Variants in SH2B2 observed in about 807,000 individuals in gnomAD.
The protein encoded by SH2B2 is SH2B adaptor protein 2, also known as SH2B adapter protein 2.
A neutral mutation model predicts 35.7 loss-of-function variants in SH2B2; 37 were observed. That is an observed-to-expected ratio of 1.04 (90% CI 0.80 to 1.36). SH2B2 has a LOEUF of 1.36. Ranked by LOEUF, SH2B2 falls within the 40% of genes most tolerant of loss-of-function variation. The probability of loss-of-function intolerance (pLI) is 0.00; values close to 1 mark genes in which losing one functional copy is unlikely to be tolerated. For synonymous variants in SH2B2, 383 were observed against 376.4 expected (o/e 1.02, Z -0.20); for missense variants, 852 against 817.7 (o/e 1.04, Z -0.51).
intron 1 of SH2B2, among the ~76,000 whole-genome samples, chr7:102,296,469 AC>A (rs1461607754): frequency 1.3e-5 from 2 of 152,206 alleles, no homozygotes; most frequent in African/African-American, 4.8e-5. Flanking sequence ...CCCAGGCACT[AC>A]ATCACCGCAC....
At chr7:102,315,759 A>G (rs558397711) in intron 6 of SH2B2, among the ~76,000 whole-genome samples, 38 of 144,582 alleles carry the variant, frequency 2.6e-4, no homozygotes, top group African/African-American at 9.7e-4. Flanking sequence ...AAAAAAAAAA[A>G]AAAGAAAAGA....
chr7:102,315,778 A>C (rs1793807404), intron 6 of SH2B2, among the ~76,000 whole-genome samples: 2 of 139,452 alleles, frequency 1.4e-5, no homozygotes, highest in African/African-American at 5.2e-5. Context: ...GAAAAGAAGA[A>C]AGGAGGGAGG....
intron 4 of SH2B2, among the ~76,000 whole-genome samples, chr7:102,311,342 C>T (rs1043978732): frequency 2.6e-5 from 4 of 151,922 alleles, no homozygotes; most frequent in Admixed American, 2.6e-4. Context: ...GCAACCTCCA[C>T]CTCGCAGGTT....
At chr7:102,301,432 T>G (rs1554553879) in intron 2 of SH2B2, among the ~76,000 whole-genome samples, 153 bp downstream of exon 2, 1 of 152,150 alleles carries the variant, frequency 6.6e-6, no homozygotes, top group East Asian at 1.9e-4. Context: ...GAGGTGGGCC[T>G]GTCATGCCTC....
chr7:102,293,466 T>A (rs1381902447), intron 1 of SH2B2, among the ~76,000 whole-genome samples: 2 of 146,030 alleles, frequency 1.4e-5, no homozygotes, highest in Non-Finnish European at 3.0e-5. Context: ...CCATCAGAGA[T>A]GGGGAAAAAA....
At chr7:102,302,297 C>T (rs1554554100) in intron 2 of SH2B2, among the ~76,000 whole-genome samples, 1 of 152,368 alleles carries the variant, frequency 6.6e-6, no homozygotes, top group African/African-American at 2.4e-5. Flanking sequence ...TCGCAGAGGG[C>T]TCCCTGGGAG....
chr7:102,317,462 C>A (rs1554557317), intron 7 of SH2B2, 67 bp downstream of exon 7: 3 of 1,389,338 alleles, frequency 2.2e-6, no homozygotes, highest in East Asian at 4.9e-5. Flanking sequence ...CATGGTGACC[C>A]CGGTCCTGAG....
At chr7:102,321,186 G>C (rs1036016690) in intron 8 of SH2B2, 113 bp from the exon 9 acceptor site, 2 of 934,708 alleles carry the variant, frequency 2.1e-6, no homozygotes, top group South Asian at 6.3e-5. Flanking sequence ...GAGGACATGG[G>C]CTGCAACTCG....
upstream of SH2B2, chr7:102,285,273 G>C (rs1207717777): frequency 2.1e-5 from 32 of 1,536,218 alleles, no homozygotes; most frequent in Non-Finnish European, 2.7e-5. Flanking sequence ...GTCCACCGCG[G>C]GTCAGGCTCT....
chr7:102,308,225 T>C (rs1793475698), intron 3 of SH2B2, among the ~76,000 whole-genome samples: 1 of 152,184 alleles, frequency 6.6e-6, no homozygotes, highest in Non-Finnish European at 1.5e-5. Flanking sequence ...TCTTCTCATC[T>C]ATAAAATGGG....
In SH2B2 at chr7:102,297,793, G is replaced by C. The variant is rs1792982664; in HGVS notation, c.-29-2729G>C. ...CTGCCTTGTGAAACTGGCATTCTCG[G>C]GGGAAGGGGGTGGAGGGGACACACA... On this transcript the variant is annotated intron_variant, in intron 1 of 8. Coordinates refer to ENST00000444095, the MANE Select transcript of SH2B2 (RefSeq NM_001359228.2). This position sits in a 1 kb window ranked among gnomAD's most constrained non-coding sequence, Gnocchi z 4.3. Among the ~76,000 whole-genome samples the C allele has an allele frequency of 6.6e-6, 1 of 152,116 alleles. No homozygotes were observed. The highest frequency in any genetic ancestry group is 2.4e-5 in the African/African-American group (1 of 41,412).
intron 4 of SH2B2, chr7:102,309,237 G>T: frequency 2.0e-6 from 1 of 498,702 alleles, no homozygotes. Context: ...TGGGGGCCTG[G>T]TGCAGTGGCT....
At position 102,297,394 on chromosome 7, in the gene SH2B2, TACACACACAC is replaced by T. The variant is rs3988122; in HGVS notation, c.-29-3101_-29-3092del. Among the ~76,000 whole-genome samples, 7 of 144,550 alleles carry T rather than the reference TACACACACAC, an allele frequency of 4.8e-5. No individual in the cohort carries two copies. The highest frequency in any genetic ancestry group is 2.1e-4 in the Admixed American group (3 of 14,414). The allele number at this position is 144,550 out of a possible 152,430, so 94.8% of individuals were successfully genotyped here. A position where few individuals can be genotyped will look rare whatever the true frequency, so the allele number is the denominator to read the frequency against. On this transcript the variant is annotated intron_variant, in intron 1 of 8. Transcript: ENST00000444095. This position sits in a 1 kb window ranked among gnomAD's most constrained non-coding sequence, Gnocchi z 4.3. ...CATCAATAGAGTGAGATCCCATCTCTACACACACACACACACACACACACACACACACACA... is the reference window on the plus strand; with the variant it reads ...CATCAATAGAGTGAGATCCCATCTCTACACACACACACACACACACACACA...
chr7:102,320,902 C>T (rs1554558305), intron 8 of SH2B2, among the ~76,000 whole-genome samples: 1 of 152,138 alleles, frequency 6.6e-6, no homozygotes, highest in Non-Finnish European at 1.5e-5. Flanking sequence ...GGTGCATGTG[C>T]ATGCGTGTGC....
At position 102,321,311 on chromosome 7, in the gene SH2B2, C is replaced by T; in HGVS notation, c.1580C>T (p.Thr527Met). The change falls in exon 9 of 9, where the codon ACG (threonine) becomes ATG (methionine). Residue 527 changes from threonine (T) to methionine (M), a missense_variant. Thr to Met is a moderately conservative substitution (Grantham distance 81, BLOSUM62 -1). This residue lies in a region of SH2B2 where 556 missense variants were observed against 514.5 expected (regional missense o/e 1.08). Transcript: ENST00000444095. ...CGCCTTGTTGCAGAGCCGGGCCCCACGCCCCCTGCCGCGCCCGCGTCCCCG... is the reference window on the plus strand; with the variant it reads ...CGCCTTGTTGCAGAGCCGGGCCCCATGCCCCCTGCCGCGCCCGCGTCCCCG... ...AQDPPPEPGP[T>M]PPAAPASPAC... is the part of the protein sequence containing the mutation. 2 of 1,414,974 alleles carry T rather than the reference C, an allele frequency of 1.4e-6. No individual in the cohort carries two copies. Among genetic ancestry groups the T allele is most frequent in the Non-Finnish European group, 9.2e-7 (1 of 1,089,838 alleles). 87.7% of individuals were successfully genotyped at this position (1,414,974 alleles called of 1,614,324 possible). A position where few individuals can be genotyped will look rare whatever the true frequency, so the allele number is the denominator to read the frequency against.
At chr7:102,316,871 T>G (rs558755031) in intron 6 of SH2B2, among the ~76,000 whole-genome samples, 1 of 151,336 alleles carries the variant, frequency 6.6e-6, no homozygotes, top group South Asian at 2.1e-4. Flanking sequence ...ATACAAAAAT[T>G]AGTTGGGTGT....
In SH2B2 at chr7:102,301,240, C is replaced by T. The variant is rs782796671; in HGVS notation, c.690C>T (p.Ala230=). The change falls in exon 2 of 9, where the codon GCC becomes GCT. Residue 230 remains alanine (A), a synonymous_variant. Coordinates refer to ENST00000444095, the MANE Select transcript of SH2B2 (RefSeq NM_001359228.2). ...KCRLLLRRAV[A]EERFRLEFFV... ...GCCTGCTCCTGCGCAGGGCTGTGGC[C>T]GAGGAACGCTTCCGCCTGGAGTTCT... is the stretch of plus-strand genomic sequence containing the variant. 1.9e-5 allele frequency: 31 copies of T among 1,604,068 alleles called. No individual in the cohort carries two copies. Among genetic ancestry groups the T allele is most frequent in the Non-Finnish European group, 2.5e-5 (29 of 1,176,150 alleles).
Position 102,298,205 on chromosome 7 carries a change from T to C in SH2B2, c.-29-2317T>C, listed in dbSNP as rs144044250. On this transcript the variant is annotated intron_variant, in intron 1 of 8. Coordinates refer to ENST00000444095, the MANE Select transcript of SH2B2 (RefSeq NM_001359228.2). ...TTACTCTGACTGTAATACGAACCAC[T>C]GCAGGATTTTGTGCAGAGGAGGGAT... Among the ~76,000 whole-genome samples the C allele has an allele frequency of 4.6e-3, 701 of 152,284 alleles. 3 individuals carry two copies. Among genetic ancestry groups the C allele is most frequent in the African/African-American group, 0.016 (669 of 41,550 alleles).
At chr7:102,318,060 T>C (rs1793921967) in intron 7 of SH2B2, among the ~76,000 whole-genome samples, 1 of 152,118 alleles carries the variant, frequency 6.6e-6, no homozygotes, top group African/African-American at 2.4e-5. Context: ...CCCAGCTGGA[T>C]CAGAGGCATG....
Sources: gnomAD v4.1 joint callset for allele counts (sites outside exome capture counted in the v4.1 genomes callset) on GRCh38, gnomAD v4.1.1 for gene constraint, gnomAD v4.1.1 regional missense constraint, Gnocchi (gnomAD v3.1) non-coding constraint, MANE v1.5 for transcripts, NCBI Gene and HGNC (gene_info 2026-07-23, HGNC 2026-07-21) for gene names.